The following PTPRZ1 variants were observed in gnomAD, a reference collection of about 807,000 sequenced individuals.
The protein encoded by PTPRZ1 is protein tyrosine phosphatase receptor type Z1.
PTPRZ1 carries 82 observed loss-of-function variants against 214.1 expected under a neutral mutation model. That is an observed-to-expected ratio of 0.38 (90% confidence interval 0.32 to 0.46). The LOEUF is 0.46. Among genes scored for constraint, PTPRZ1 ranks in the 20% least tolerant of loss-of-function variants. The probability of loss-of-function intolerance (pLI) is 1.00; values close to 1 mark genes in which losing one functional copy is unlikely to be tolerated. For missense variants in PTPRZ1, 2,603 were observed against 2,748.7 expected (o/e 0.95, Z 1.19); for synonymous variants, 945 against 987.9 (o/e 0.96, Z 0.81).
chr7:121,891,760 T>C (rs1794631169), intron 1 of PTPRZ1, among the ~76,000 whole-genome samples: 1 of 152,102 alleles, frequency 6.6e-6, no homozygotes. Flanking sequence ...TTCTGCACTG[T>C]CTGGTCTTTG....
chr7:121,964,836 G>A lies in PTPRZ1; in HGVS notation c.125-3115G>A, dbSNP rs192514434. On this transcript the variant is annotated intron_variant, in intron 2 of 29. Coordinates refer to ENST00000393386, the MANE Select transcript of PTPRZ1 (RefSeq NM_002851.3). Reference sequence around the variant, plus strand: ...TACAGACATCTGTGGAGAGTATTGCGGGAATAGGTGATAGCCAGTGTCAAG... The same window carrying A: ...TACAGACATCTGTGGAGAGTATTGCAGGAATAGGTGATAGCCAGTGTCAAG... Among the ~76,000 whole-genome samples, 27 of 152,234 alleles carry A rather than the reference G, an allele frequency of 1.8e-4. No individual in the cohort carries two copies. In the East Asian group the frequency reaches 3.7e-3, roughly 21 times the overall value.
At chr7:121,961,924 A>T (rs755225241) in intron 2 of PTPRZ1, among the ~76,000 whole-genome samples, 1 of 152,204 alleles carries the variant, frequency 6.6e-6, no homozygotes, top group South Asian at 2.1e-4. Context: ...TGGAGCTCCT[A>T]TTTAGTATTC....
chr7:122,043,206 C>A (rs1243523680), intron 22 of PTPRZ1, among the ~76,000 whole-genome samples: 1 of 152,180 alleles, frequency 6.6e-6, no homozygotes, highest in Non-Finnish European at 1.5e-5. Context: ...CACCATTCAA[C>A]CCATGACACC....
intron 1 of PTPRZ1, among the ~76,000 whole-genome samples, chr7:121,912,950 T>TC (rs1230702873): frequency 1.3e-5 from 2 of 152,114 alleles, no homozygotes; most frequent in Non-Finnish European, 2.9e-5. Flanking sequence ...CCTCTAAGAT[T>TC]ATAAATCCTA....
At chr7:121,891,717 A>G (rs928524584) in intron 1 of PTPRZ1, among the ~76,000 whole-genome samples, 2 of 151,758 alleles carry the variant, frequency 1.3e-5, no homozygotes, top group Admixed American at 1.3e-4. Flanking sequence ...ATTTATCCAT[A>G]CTAATTGTGT....
rs184781264 is a variant in PTPRZ1 at position 121,965,227 on chromosome 7, T to C, written c.125-2724T>C. Among the ~76,000 whole-genome samples the C allele has an allele frequency of 3.3e-5, 5 of 152,246 alleles. No homozygotes were observed. In the East Asian group the frequency reaches 7.7e-4, roughly 24 times the overall value. On this transcript the variant is annotated intron_variant, in intron 2 of 29. Transcript: ENST00000393386. ...GCTTAGCTGGCTTTTCTGCTTAGGG[T>C]CTCACAAATCTGAAATTAAGGTGTC... is the stretch of plus-strand genomic sequence containing the variant.
At chr7:121,972,379 G>C (rs1179504948) in intron 3 of PTPRZ1, among the ~76,000 whole-genome samples, 162 bp from the exon 4 acceptor site, 1 of 152,130 alleles carries the variant, frequency 6.6e-6, no homozygotes, top group East Asian at 1.9e-4. Flanking sequence ...TAAGTATATT[G>C]TGCAGACCTA....
At position 121,968,057 on chromosome 7, in the gene PTPRZ1, T is replaced by C. The variant is rs1324965303; in HGVS notation, c.231T>C (p.Leu77=). 6 of 1,604,934 alleles carry C rather than the reference T, an allele frequency of 3.7e-6. 1 individual carries two copies. ...ATCTTACACAAGTAAATGTGAATCT[T>C]AAGAAACTTAAATTTCAGGGTTGGG... ...DEDLTQVNVN[L]KKLKFQGWDK... The change falls in exon 3 of 30, where the codon CTT becomes CTC. Residue 77 remains leucine, a synonymous_variant. Coordinates refer to ENST00000393386, the MANE Select transcript of PTPRZ1 (RefSeq NM_002851.3).
chr7:121,913,648 G>A (rs992593324), intron 1 of PTPRZ1, among the ~76,000 whole-genome samples: 5 of 152,044 alleles, frequency 3.3e-5, no homozygotes, highest in South Asian at 4.2e-4. Context: ...ACACAGAGAC[G>A]GTCCACAATA....
At chr7:121,879,331 G>T (rs1794160598) in intron 1 of PTPRZ1, among the ~76,000 whole-genome samples, 1 of 152,158 alleles carries the variant, frequency 6.6e-6, no homozygotes, top group South Asian at 2.1e-4. Flanking sequence ...CGCCTGTGCT[G>T]CTCTGGTGTT....
chr7:122,013,215 C>T lies in PTPRZ1; in HGVS notation c.4169C>T (p.Thr1390Ile), dbSNP rs1258414391. The T allele has an allele frequency of 7.4e-6, 12 of 1,614,156 alleles. No homozygotes were observed. Among genetic ancestry groups the T allele is most frequent in the Non-Finnish European group, 1.0e-5 (12 of 1,180,022 alleles). ...SPHRDGSVTS[T>I]KLLFPSKATS... ...CACAGAGATGGTTCTGTAACCTCAA[C>T]AAAGTTGCTGTTTCCTTCTAAGGCA... The change falls in exon 12 of 30, where the codon ACA (threonine) becomes ATA (isoleucine). Residue 1390 changes from threonine (T) to isoleucine (I), a missense_variant. By Grantham distance (89) the Thr-to-Ile change is moderately conservative. Coordinates refer to ENST00000393386, the MANE Select transcript of PTPRZ1 (RefSeq NM_002851.3).
At chr7:122,031,058 C>T (rs969640942) in intron 14 of PTPRZ1, among the ~76,000 whole-genome samples, 2 of 151,998 alleles carry the variant, frequency 1.3e-5, no homozygotes, top group Non-Finnish European at 2.9e-5. Context: ...ACCGAAATTA[C>T]ACTATTTATT....
intron 8 of PTPRZ1, among the ~76,000 whole-genome samples, chr7:121,991,420 C>A (rs543454074): frequency 3.9e-5 from 6 of 152,086 alleles, no homozygotes; most frequent in East Asian, 1.9e-4. Flanking sequence ...CTTAAAAAAA[C>A]AAAAACAATA....
chr7:121,926,849 T>C (rs1795779911), intron 1 of PTPRZ1, among the ~76,000 whole-genome samples: 1 of 152,240 alleles, frequency 6.6e-6, no homozygotes, highest in African/African-American at 2.4e-5. Flanking sequence ...TATGTTGAAA[T>C]GTCTTATATA....
chr7:122,023,747 TTATA>T (rs1013153427), intron 13 of PTPRZ1, among the ~76,000 whole-genome samples: 13 of 133,554 alleles, frequency 9.7e-5, no homozygotes, highest in African/African-American at 2.3e-4. Context: ...TTATATATAA[TTATA>T]TATATAATGT....
At chr7:121,891,833 GT>G (rs1391960432) in intron 1 of PTPRZ1, among the ~76,000 whole-genome samples, 5 of 151,776 alleles carry the variant, frequency 3.3e-5, no homozygotes, top group South Asian at 2.1e-4. Flanking sequence ...AATGCCTTAA[GT>G]TTTTTTTCTG....
intron 1 of PTPRZ1, among the ~76,000 whole-genome samples, chr7:121,878,006 A>G (rs1044510862): frequency 1.3e-5 from 2 of 151,302 alleles, no homozygotes; most frequent in African/African-American, 2.4e-5. Context: ...TTTAAATTGT[A>G]TTTCAACTTT....
At chr7:121,919,821 T>A (rs966682437) in intron 1 of PTPRZ1, among the ~76,000 whole-genome samples, 1 of 150,338 alleles carries the variant, frequency 6.7e-6, no homozygotes, top group Admixed American at 6.6e-5. Flanking sequence ...TATCAATTCA[T>A]TTTTTTAGTA....
At chr7:121,885,860 C>T (rs2116187607) in intron 1 of PTPRZ1, among the ~76,000 whole-genome samples, 1 of 152,240 alleles carries the variant, frequency 6.6e-6, no homozygotes, top group African/African-American at 2.4e-5. Context: ...TCACAAGAGT[C>T]TAAGTTGTAT....
Sources: allele counts gnomAD v4.1 joint callset (sites outside exome capture counted in the v4.1 genomes callset), GRCh38; gene constraint gnomAD v4.1.1; transcripts MANE v1.5; gene names NCBI Gene and HGNC (gene_info 2026-07-23, HGNC 2026-07-21).